The following PRKN variants were observed in gnomAD, a reference collection of about 807,000 sequenced individuals.
PRKN encodes the protein parkin RBR E3 ubiquitin protein ligase.
Under a neutral mutation model 59.5 loss-of-function variants are expected in PRKN, and 56 were observed. That is an observed-to-expected ratio of 0.94 (90% confidence interval 0.76 to 1.18). The LOEUF is 1.18. Among genes scored for constraint, PRKN ranks in the 50% most tolerant of loss-of-function variants. The pLI, the probability that PRKN is intolerant of heterozygous loss-of-function variation, is 0.00. For synonymous variants in PRKN, 250 were observed against 222.1 expected, an observed-to-expected ratio of 1.13 and a Z score of -1.12; for missense variants, 657 against 596.4, an observed-to-expected ratio of 1.10 and a Z score of -1.06.
At chr6:161,441,699 C>A (rs1716781201) in intron 9 of PRKN, among the ~76,000 whole-genome samples, 1 of 150,738 alleles carries the variant, frequency 6.6e-6, no homozygotes, top group Non-Finnish European at 1.5e-5. Flanking sequence ...GTCCTGAGAG[C>A]TCCAGTTCTT....
Position 161,414,042 on chromosome 6 carries a change from C to A in PRKN, c.1084-27165G>T, listed in dbSNP as rs1583036976. ...GGTGGGACGTGAAACTCCTCGACAGCACTGTGTCCTGGGCCGAGGTGGGGA... is the reference window on the plus strand; with the variant it reads ...GGTGGGACGTGAAACTCCTCGACAGAACTGTGTCCTGGGCCGAGGTGGGGA... On this transcript the variant is annotated intron_variant, in intron 9 of 11. Coordinates refer to ENST00000366898, the MANE Select transcript of PRKN (RefSeq NM_004562.3). This position sits in a 1 kb window ranked among gnomAD's most constrained non-coding sequence, Gnocchi z 5.3. Among the ~76,000 whole-genome samples the A allele has an allele frequency of 6.6e-6, 1 of 152,238 alleles. No individual in the cohort carries two copies. The highest frequency in any genetic ancestry group is 1.9e-4 in the East Asian group (1 of 5,170).
intron 1 of PRKN, among the ~76,000 whole-genome samples, chr6:162,652,390 T>C (rs763306955): frequency 1.4e-4 from 21 of 152,204 alleles, no homozygotes; most frequent in Admixed American, 2.0e-4. Context: ...GTCACAAGTG[T>C]TGTATCAGTT....
At chr6:161,891,177 G>A (rs1026106833) in intron 6 of PRKN, among the ~76,000 whole-genome samples, 2 of 152,134 alleles carry the variant, frequency 1.3e-5, no homozygotes, top group African/African-American at 2.4e-5. Flanking sequence ...CACGGGGAGA[G>A]GGTGTTCCGG....
Position 162,472,468 on chromosome 6 carries a change from T to TATATATATA in PRKN, c.8-28996_8-28995insTATATATAT, listed in dbSNP as rs1385821060. On this transcript the variant is annotated intron_variant, in intron 1 of 11. Coordinates refer to ENST00000366898, the MANE Select transcript of PRKN (RefSeq NM_004562.3). ...AGTCCAAACTCTAACTTTTATTTTA[T>TATATATATA]TTTATTTTATTTTATTTTATTTTAT... 6.5e-4 allele frequency among the ~76,000 whole-genome samples: 68 copies of TATATATATA among 104,184 alleles called. 1 individual carries two copies. Among genetic ancestry groups the TATATATATA allele is most frequent in the East Asian group, 1.9e-3 (6 of 3,214 alleles). 68.3% of individuals were successfully genotyped at this position (104,184 alleles called of 152,430 possible). A position where few individuals can be genotyped will look rare whatever the true frequency, so the allele number is the denominator to read the frequency against.
chr6:162,353,011 T>A (rs796301790), intron 2 of PRKN, among the ~76,000 whole-genome samples: 21 of 152,296 alleles, frequency 1.4e-4, no homozygotes, highest in African/African-American at 4.8e-4. Flanking sequence ...TAATTTTCAA[T>A]GCTGTATTTT....
chr6:162,037,047 T>C (rs1037278324), intron 5 of PRKN, among the ~76,000 whole-genome samples: 1 of 152,064 alleles, frequency 6.6e-6, no homozygotes, highest in East Asian at 1.9e-4. Flanking sequence ...TACTGACATG[T>C]AGTTTGGGGG....
At chr6:162,325,663 T>C (rs1398959944) in intron 2 of PRKN, among the ~76,000 whole-genome samples, 1 of 152,160 alleles carries the variant, frequency 6.6e-6, no homozygotes, top group Non-Finnish European at 1.5e-5. Context: ...GAATTTCACA[T>C]TCATTTTACA....
chr6:161,367,273 G>A (rs550052482), intron 10 of PRKN, among the ~76,000 whole-genome samples: 4 of 152,086 alleles, frequency 2.6e-5, no homozygotes, highest in African/African-American at 9.6e-5. Context: ...GAGCCACCGC[G>A]CCCGGCCGTG....
chr6:162,179,821 C>T (rs1285450068), intron 4 of PRKN, among the ~76,000 whole-genome samples: 2 of 152,076 alleles, frequency 1.3e-5, no homozygotes, highest in African/African-American at 2.4e-5. Flanking sequence ...AGGTTTTGAA[C>T]ATTGTAAACA....
At chr6:161,999,888 C>G (rs996590345) in intron 5 of PRKN, among the ~76,000 whole-genome samples, 2 of 151,978 alleles carry the variant, frequency 1.3e-5, no homozygotes, top group African/African-American at 4.8e-5. Context: ...GAGTTACTAG[C>G]AACTTGAAAA....
rs774875788 is a variant in PRKN at position 162,262,646 on chromosome 6, C to G, written c.291G>C (p.Arg97=). The change falls in exon 3 of 12, where the codon CGG becomes CGC. Residue 97 remains arginine, a synonymous_variant. Transcript: ENST00000366898. ...CCACCCGAGTCAAGCTCTGGGGCTC[C>G]CGCTCACAGCCTCCCGCCGCGTTTC... ...DPRNAAGGCE[R]EPQSLTRVDL... The G allele has an allele frequency of 8.1e-6, 13 of 1,613,754 alleles. No homozygotes were observed. Among genetic ancestry groups the G allele is most frequent in the Non-Finnish European group, 1.1e-5 (13 of 1,179,990 alleles).
At chr6:161,728,727 C>T (rs1347493709) in intron 7 of PRKN, among the ~76,000 whole-genome samples, 6 of 152,126 alleles carry the variant, frequency 3.9e-5, no homozygotes. Context: ...GGGCATTTTG[C>T]TCCCCATGAT....
chr6:162,000,264 A>G (rs982433799), intron 5 of PRKN, among the ~76,000 whole-genome samples: 2 of 152,140 alleles, frequency 1.3e-5, no homozygotes, highest in Non-Finnish European at 2.9e-5. Context: ...TCCCATCAGT[A>G]ATGAATAAGA....
rs1016104831 is a variant in PRKN, at chr6:161,928,469, A to G, written c.734+44833T>C. Among the ~76,000 whole-genome samples, 5 of 152,316 alleles carry G rather than the reference A, an allele frequency of 3.3e-5. No individual in the cohort carries two copies. In the East Asian group the frequency reaches 9.6e-4, roughly 29 times the overall value. On this transcript the variant is annotated intron_variant, in intron 6 of 11. Transcript: ENST00000366898. ...GAGATTTAATATTTCTTAGCTTCAT[A>G]AAGTCCTTGGTTTTATTCCACAGGA... is the stretch of plus-strand genomic sequence containing the variant.
intron 2 of PRKN, among the ~76,000 whole-genome samples, chr6:162,346,101 G>A (rs1784393039): frequency 6.6e-6 from 1 of 152,114 alleles, no homozygotes; most frequent in South Asian, 2.1e-4. Context: ...TCAGAACTAT[G>A]AGCCAAATGA....
chr6:161,617,838 C>T (rs1407251799), intron 7 of PRKN, among the ~76,000 whole-genome samples: 2 of 152,226 alleles, frequency 1.3e-5, no homozygotes, highest in Admixed American at 6.5e-5. Context: ...AACTGCCAAT[C>T]GGAAGATATG....
Position 161,369,670 on chromosome 6 carries a change from C to T in PRKN, c.1168-9465G>A, listed in dbSNP as rs1046684731. The stretch of plus-strand genomic sequence containing the variant: ...TTGCATGCATGCATGTGTGTACGCA[C>T]GCGTGGTGGAGGTGGGGGTGGAACA... On this transcript the variant is annotated intron_variant, in intron 10 of 11. Transcript: ENST00000366898. The surrounding 1 kb of genome is among the most constrained non-coding windows in gnomAD (Gnocchi z 5.8). Among the ~76,000 whole-genome samples the T allele has an allele frequency of 1.1e-4, 17 of 151,946 alleles. No individual in the cohort carries two copies. Among genetic ancestry groups the T allele is most frequent in the African/African-American group, 7.3e-5 (3 of 41,356 alleles).
At chr6:161,496,478 T>C (rs572278280) in intron 9 of PRKN, among the ~76,000 whole-genome samples, 2 of 152,354 alleles carry the variant, frequency 1.3e-5, no homozygotes, top group Admixed American at 6.5e-5. Flanking sequence ...CTCACAATCA[T>C]GGCGGAAGGC....
chr6:162,633,432 C>CAAAAAAAAAAAAAA (rs531688324), intron 1 of PRKN, among the ~76,000 whole-genome samples: 7 of 61,824 alleles, frequency 1.1e-4, no homozygotes, highest in East Asian at 7.5e-4. Context: ...AAGACTGTCT[C>CAAAAAAAAAAAAAA]AAAAAAAAAA....
Sources: allele counts gnomAD v4.1 joint callset (sites outside exome capture counted in the v4.1 genomes callset), GRCh38; gene constraint gnomAD v4.1.1; non-coding constraint Gnocchi (gnomAD v3.1); transcripts MANE v1.5; gene names NCBI Gene and HGNC (gene_info 2026-07-23, HGNC 2026-07-21).